The following RANBP2 variants were observed in gnomAD, a reference collection of about 807,000 sequenced individuals.
RANBP2 encodes the protein RAN binding protein 2.
A neutral mutation model predicts 303.6 loss-of-function variants in RANBP2; 57 were observed. The observed-to-expected ratio is 0.19, with a 90% CI of 0.15 to 0.23. The LOEUF (loss-of-function observed/expected upper bound fraction) is 0.23. Ranked by LOEUF, RANBP2 falls within the 10% of genes least tolerant of loss-of-function variation. The pLI is 1.00. For synonymous variants in RANBP2, 1,167 were observed against 1,301.5 expected (o/e 0.90, Z 2.23); for missense variants, 3,138 against 3,780.8 (o/e 0.83, Z 4.46).
At chr2:108,883,802 C>G in the RANBP2 span, 92 of 152,372 alleles carry the variant, frequency 6.0e-4, 1 homozygote, top group African/African-American at 2.1e-3. Context: ...TTTCCCTAAA[C>G]CTCACTCCTC....
the RANBP2 span, among the ~76,000 whole-genome samples, chr2:109,135,216 C>T: frequency 6.6e-6 from 1 of 152,246 alleles, no homozygotes; most frequent in African/African-American, 2.4e-5. Flanking sequence ...TTTCTTGTTA[C>T]ACCCCTGGGG....
chr2:108,729,288 G>C, intron 2 of RANBP2, 89 bp downstream of exon 2: 8 of 1,349,570 alleles, frequency 5.9e-6, no homozygotes, highest in Non-Finnish European at 8.0e-6. Context: ...TATGTTCTTA[G>C]TAGTTCTTCC....
At chr2:109,348,935 C>T in the RANBP2 span, among the ~76,000 whole-genome samples, 771 of 152,280 alleles carry the variant, frequency 5.1e-3, 4 homozygotes, top group African/African-American at 0.016. Context: ...TTATGTCGGC[C>T]TCACTGTATT....
At chr2:109,006,105 G>C in the RANBP2 span, among the ~76,000 whole-genome samples, 1 of 152,208 alleles carries the variant, frequency 6.6e-6, no homozygotes, top group Non-Finnish European at 1.5e-5. Flanking sequence ...ACGTGTGTGG[G>C]GTTGCGGGGG....
At chr2:109,433,715 G>A in the RANBP2 span, among the ~76,000 whole-genome samples, 5 of 152,236 alleles carry the variant, frequency 3.3e-5, no homozygotes, top group Non-Finnish European at 5.9e-5. Flanking sequence ...CTTCAGCCAG[G>A]GCCTCTCTCG....
the RANBP2 span, among the ~76,000 whole-genome samples, chr2:109,044,634 A>G: frequency 6.6e-6 from 1 of 152,154 alleles, no homozygotes; most frequent in African/African-American, 2.4e-5. Flanking sequence ...TTACATCACC[A>G]CAAAGCTATA....
the RANBP2 span, among the ~76,000 whole-genome samples, chr2:109,042,359 ATGTATT>A: frequency 6.6e-6 from 1 of 151,994 alleles, no homozygotes; most frequent in African/African-American, 2.4e-5. Flanking sequence ...TTATTGATGT[ATGTATT>A]TGTATTTATC....
the RANBP2 span, among the ~76,000 whole-genome samples, chr2:109,359,520 A>G: frequency 1.3e-5 from 2 of 152,212 alleles, no homozygotes; most frequent in East Asian, 1.9e-4. Context: ...TTTCATTTGT[A>G]CCTAAGTATT....
the RANBP2 span, among the ~76,000 whole-genome samples, chr2:109,705,567 T>A: frequency 3.3e-5 from 5 of 152,236 alleles, no homozygotes; most frequent in African/African-American, 1.2e-4. Context: ...TCAGTCCCTG[T>A]GTGCATCCAT....
chr2:108,997,674 G>A, the RANBP2 span, among the ~76,000 whole-genome samples: 2 of 151,948 alleles, frequency 1.3e-5, no homozygotes, highest in Non-Finnish European at 2.9e-5. Flanking sequence ...GGTGGATAAC[G>A]AGGTCAGGAG....
chr2:108,719,995 C>A (rs1694098510), intron 1 of RANBP2: 5 of 985,272 alleles, frequency 5.1e-6, no homozygotes, highest in Non-Finnish European at 4.8e-6. Flanking sequence ...CCCGTAGTAC[C>A]CGCGCGGCCT....
the RANBP2 span, among the ~76,000 whole-genome samples, chr2:109,714,947 C>G: frequency 8.1e-6 from 1 of 124,122 alleles, no homozygotes; most frequent in African/African-American, 3.1e-5. Context: ...ATGATAAATC[C>G]CATAGTAGGT....
the RANBP2 span, among the ~76,000 whole-genome samples, chr2:109,080,630 C>A: frequency 2.0e-5 from 3 of 152,096 alleles, no homozygotes; most frequent in African/African-American, 7.2e-5. Context: ...AGATAGTGAC[C>A]AACCTTTCAA....
chr2:109,096,063 A>C, the RANBP2 span, among the ~76,000 whole-genome samples: 1 of 152,152 alleles, frequency 6.6e-6, no homozygotes, highest in Non-Finnish European at 1.5e-5. Context: ...GTACCATTTT[A>C]ACTAAATGAA....
chr2:109,042,064 A>T, the RANBP2 span, among the ~76,000 whole-genome samples: 1 of 152,168 alleles, frequency 6.6e-6, no homozygotes, highest in Non-Finnish European at 1.5e-5. Flanking sequence ...ATCTATATTC[A>T]TGAGAGAAAT....
At chr2:109,318,591 C>T in the RANBP2 span, among the ~76,000 whole-genome samples, 1 of 152,224 alleles carries the variant, frequency 6.6e-6, no homozygotes, top group Admixed American at 6.5e-5. Context: ...GTAGAGCCAG[C>T]TCCTGAGGGG....
At chr2:109,428,601 G>A in the RANBP2 span, among the ~76,000 whole-genome samples, 1 of 152,334 alleles carries the variant, frequency 6.6e-6, no homozygotes, top group East Asian at 1.9e-4. Context: ...CCCTCAAGAG[G>A]CGCTTTTTCT....
At chr2:109,025,065 A>G in the RANBP2 span, among the ~76,000 whole-genome samples, 1 of 152,086 alleles carries the variant, frequency 6.6e-6, no homozygotes, top group African/African-American at 2.4e-5. Flanking sequence ...ATTGATCTCT[A>G]TGTATTTGAC....
the RANBP2 span, chr2:109,347,817 A>G: frequency 3.1e-6 from 5 of 1,613,992 alleles, no homozygotes; most frequent in Non-Finnish European, 4.2e-6. Context: ...TGCACGGCAC[A>G]CAGGGCTTCC....
Sources: allele counts gnomAD v4.1 joint callset (sites outside exome capture counted in the v4.1 genomes callset), GRCh38; gene constraint gnomAD v4.1.1; transcripts MANE v1.5; gene names NCBI Gene and HGNC (gene_info 2026-07-23, HGNC 2026-07-21).